PRDM16: variants seen among roughly 807,000 people sequenced by gnomAD.
PRDM16 encodes PR/SET domain 16.
Under a neutral mutation model 110.6 loss-of-function variants are expected in PRDM16, and 23 were observed. The observed-to-expected ratio is 0.21, with a 90% CI of 0.15 to 0.29. PRDM16 has a LOEUF of 0.29. PRDM16 is among the 10% of genes least tolerant of loss of function. The pLI is 1.00. For missense variants in PRDM16, 1,615 were observed against 1,794.3 expected (o/e 0.90, Z 1.81); for synonymous variants, 799 against 781.8 (o/e 1.02, Z -0.37).
At position 3,258,199 on chromosome 1, in the gene PRDM16, C is replaced by T. The variant is rs114084750; in HGVS notation, c.438+14062C>T. Among the ~76,000 whole-genome samples, 654 of 152,280 alleles carry T rather than the reference C, an allele frequency of 4.3e-3. 3 individuals carry two copies. The highest frequency in any genetic ancestry group is 0.011 in the African/African-American group (456 of 41,574). On this transcript the variant is annotated intron_variant, in intron 3 of 16. Coordinates refer to ENST00000270722, the MANE Select transcript of PRDM16 (RefSeq NM_022114.4). ...GCACTGAGATGCCCGTGTCCTCCTG[C>T]GGTGGGCTTGGCTGCATCCCTGTAC...
intron 2 of PRDM16, among the ~76,000 whole-genome samples, chr1:3,198,732 C>T (rs978302964): frequency 3.3e-5 from 5 of 152,316 alleles, no homozygotes; most frequent in South Asian, 2.1e-4. Context: ...GATTACCAGC[C>T]GCACGCAGGC....
At chr1:3,321,911 T>C (rs1641762626) in intron 3 of PRDM16, among the ~76,000 whole-genome samples, 1 of 151,592 alleles carries the variant, frequency 6.6e-6, no homozygotes. Context: ...TAGGAGCACG[T>C]GTGTAAAGGG....
intron 3 of PRDM16, among the ~76,000 whole-genome samples, chr1:3,284,044 T>TG (rs968811257): frequency 7.2e-5 from 11 of 151,852 alleles, no homozygotes; most frequent in East Asian, 3.9e-4. Flanking sequence ...GTAGCGGGCC[T>TG]GGGGGGGCCT....
intron 3 of PRDM16, among the ~76,000 whole-genome samples, chr1:3,315,397 G>A (rs893752713): frequency 3.3e-5 from 5 of 152,162 alleles, no homozygotes; most frequent in African/African-American, 1.2e-4. Context: ...ATTATTATTG[G>A]GAGGGGTGGG....
chr1:3,202,968 C>T (rs771798572), intron 2 of PRDM16, among the ~76,000 whole-genome samples: 3 of 152,206 alleles, frequency 2.0e-5, no homozygotes, highest in Non-Finnish European at 4.4e-5. Context: ...TTTTCTTTGA[C>T]GGAATCTGAA....
Position 3,141,598 on chromosome 1 carries a change from C to G in PRDM16, c.38-44527C>G, listed in dbSNP as rs185083069. Among the ~76,000 whole-genome samples the G allele has an allele frequency of 4.6e-5, 7 of 152,358 alleles. No individual in the cohort carries two copies. In the East Asian group the frequency reaches 1.3e-3, roughly 29 times the overall value. Reference sequence around the variant, plus strand: ...GGACCCTTCTGGGCCGCCCCACCTGCGAGGATGGGAGTCAGAAAGCCCAGG... The same window carrying G: ...GGACCCTTCTGGGCCGCCCCACCTGGGAGGATGGGAGTCAGAAAGCCCAGG... On this transcript the variant is annotated intron_variant, in intron 1 of 16. Transcript: ENST00000270722.
chr1:3,189,281 G>T (rs1222844325), intron 2 of PRDM16, among the ~76,000 whole-genome samples: 2 of 152,182 alleles, frequency 1.3e-5, no homozygotes, highest in East Asian at 1.9e-4. Context: ...TCTCCTCCAT[G>T]CCCCTGCAGT....
chr1:3,112,127 C>A (rs933022369), intron 1 of PRDM16, among the ~76,000 whole-genome samples: 1 of 152,176 alleles, frequency 6.6e-6, no homozygotes, highest in Non-Finnish European at 1.5e-5. Context: ...TCCTTTCCCC[C>A]CCTTATTTTT....
chr1:3,184,689 G>A (rs758505621), intron 1 of PRDM16, among the ~76,000 whole-genome samples: 22 of 152,130 alleles, frequency 1.4e-4, no homozygotes, highest in Admixed American at 2.6e-4. Flanking sequence ...TCATCACCCC[G>A]AAAGGAGACC....
intron 1 of PRDM16, among the ~76,000 whole-genome samples, chr1:3,098,691 G>A (rs1219232907): frequency 2.0e-5 from 3 of 151,042 alleles, no homozygotes; most frequent in South Asian, 2.1e-4. Context: ...TTCTCCTGAG[G>A]TCTACACGGG....
At chr1:3,224,226 C>T (rs1420888830) in intron 2 of PRDM16, among the ~76,000 whole-genome samples, 7 of 152,210 alleles carry the variant, frequency 4.6e-5, no homozygotes, top group Middle Eastern at 3.4e-3. Flanking sequence ...TTAAATGCTG[C>T]GAAGATAAAG....
rs6684093 is a variant in PRDM16 at position 3,143,617 on chromosome 1, C to T, written c.38-42508C>T. On this transcript the variant is annotated intron_variant, in intron 1 of 16. Transcript: ENST00000270722. This position sits in a 1 kb window ranked among gnomAD's most constrained non-coding sequence, Gnocchi z 4.5. ...TCAGCCTCCTGAGTAGCTGGGATTACAGGTGTGCACCACCACGCCCGGCTA... is the reference window on the plus strand; with the variant it reads ...TCAGCCTCCTGAGTAGCTGGGATTATAGGTGTGCACCACCACGCCCGGCTA... Among the ~76,000 whole-genome samples, 38,121 of 151,944 alleles carry T rather than the reference C, an allele frequency of 0.25. 5,178 individuals carry two copies. Among genetic ancestry groups the T allele is most frequent in the East Asian group, 0.43 (2,194 of 5,154 alleles).
chr1:3,251,449 TGTG>T (rs1557558677), intron 3 of PRDM16, among the ~76,000 whole-genome samples: 2 of 152,004 alleles, frequency 1.3e-5, no homozygotes, highest in Admixed American at 6.6e-5. Context: ...CTTTACTAGG[TGTG>T]GGAACGAGGG....
chr1:3,088,139 C>T (rs1013364531), intron 1 of PRDM16, among the ~76,000 whole-genome samples: 3 of 152,164 alleles, frequency 2.0e-5, no homozygotes, highest in Admixed American at 6.5e-5. Context: ...TGACCTCCAC[C>T]GCTGCTGCCG....
chr1:3,158,581 C>T (rs1300402166), intron 1 of PRDM16, among the ~76,000 whole-genome samples: 3 of 152,104 alleles, frequency 2.0e-5, no homozygotes, highest in Admixed American at 6.5e-5. Flanking sequence ...ACAATCTCAT[C>T]GCCATGGGCT....
intron 1 of PRDM16, among the ~76,000 whole-genome samples, chr1:3,074,185 C>A: frequency 6.6e-6 from 1 of 152,206 alleles, no homozygotes; most frequent in East Asian, 1.9e-4. Context: ...GGACAGGACA[C>A]CTCCTCCCTT....
At chr1:3,341,459 G>C (rs1045967813) in intron 3 of PRDM16, among the ~76,000 whole-genome samples, 2 of 152,176 alleles carry the variant, frequency 1.3e-5, no homozygotes. Flanking sequence ...GAAGAATCGG[G>C]GTGGTCTGGC....
At chr1:3,424,095 C>T (rs1638517415) in intron 12 of PRDM16, among the ~76,000 whole-genome samples, 2 of 152,174 alleles carry the variant, frequency 1.3e-5, no homozygotes, top group African/African-American at 4.8e-5. Flanking sequence ...TCTCAGTAAG[C>T]CAGTCCCAGC....
intron 2 of PRDM16, among the ~76,000 whole-genome samples, chr1:3,217,239 T>A (rs931421653): frequency 1.3e-5 from 2 of 152,248 alleles, no homozygotes; most frequent in Non-Finnish European, 2.9e-5. Flanking sequence ...CCAGAATCCA[T>A]TCCTGGGCGG....
Sources: gnomAD v4.1 joint callset for allele counts (sites outside exome capture counted in the v4.1 genomes callset) on GRCh38, gnomAD v4.1.1 for gene constraint, Gnocchi (gnomAD v3.1) non-coding constraint, MANE v1.5 for transcripts, NCBI Gene and HGNC (gene_info 2026-07-23, HGNC 2026-07-21) for gene names.